Variants in PKHD1 observed in about 807,000 individuals in gnomAD.
The protein encoded by PKHD1 is PKHD1 ciliary IPT domain containing fibrocystin/polyductin.
Under a neutral mutation model 412.0 loss-of-function variants are expected in PKHD1, and 291 were observed. The ratio of observed to expected loss-of-function variants is 0.71; its 90% CI spans 0.64 to 0.78. The LOEUF is 0.78. PKHD1 is among the 30% of genes least tolerant of loss of function. PKHD1 has a pLI of 0.00. For missense variants in PKHD1, 4,825 were observed against 4,950.7 expected, an observed-to-expected ratio of 0.97 and a Z score of 0.76; for synonymous variants, 1,777 against 1,821.5, an observed-to-expected ratio of 0.98 and a Z score of 0.62.
intron 66 of PKHD1, among the ~76,000 whole-genome samples, chr6:51,624,816 T>C (rs1322468051): frequency 2.6e-5 from 4 of 152,248 alleles, no homozygotes. Flanking sequence ...AAATTAGTTC[T>C]CTTACTTGAG....
chr6:51,724,372 C>T (rs913123431), intron 60 of PKHD1, among the ~76,000 whole-genome samples: 69 of 152,172 alleles, frequency 4.5e-4, no homozygotes, highest in Non-Finnish European at 1.2e-4. Flanking sequence ...CCTCATACCA[C>T]TCTTTCCTAT....
intron 34 of PKHD1, 61 bp downstream of exon 34, chr6:52,017,349 T>A: frequency 1.7e-6 from 2 of 1,188,790 alleles, no homozygotes; most frequent in Non-Finnish European, 2.5e-6. Context: ...CTCTGATGGC[T>A]CCATCGGTCC....
At position 51,984,410 on chromosome 6, in the gene PKHD1, G is replaced by T. The variant is rs1795960092; in HGVS notation, c.5752-24384C>A. 2.0e-5 allele frequency among the ~76,000 whole-genome samples: 3 copies of T among 152,200 alleles called. No homozygotes were observed. In the South Asian group the frequency reaches 6.2e-4, roughly 31 times the overall value. Reference sequence around the variant, plus strand: ...TTCTGACTTGTTTAAGAAGTAAAATGAAAAAGAGGGATTGAGTCTGAAAGA... The same window carrying T: ...TTCTGACTTGTTTAAGAAGTAAAATTAAAAAGAGGGATTGAGTCTGAAAGA... On this transcript the variant is annotated intron_variant, in intron 35 of 66. Coordinates refer to ENST00000371117, the MANE Select transcript of PKHD1 (RefSeq NM_138694.4).
chr6:51,963,710 A>C (rs1489894564), intron 35 of PKHD1, among the ~76,000 whole-genome samples: 2 of 151,976 alleles, frequency 1.3e-5, no homozygotes, highest in Non-Finnish European at 2.9e-5. Context: ...AATCCATGTC[A>C]CTTTGATCCA....
chr6:51,847,777 A>G lies in PKHD1; in HGVS notation c.8105T>C (p.Leu2702Pro). Reference protein sequence around the residue: ...FNSQLRQLTYLVSGEGQVQVI... With the variant: ...FNSQLRQLTYPVSGEGQVQVI... Reference sequence around the variant, plus strand: ...CATTCATCCAATTGGATACTTACCCAGATAGGTGAGTTGCCTCAGCTGGCT... The same window carrying G: ...CATTCATCCAATTGGATACTTACCCGGATAGGTGAGTTGCCTCAGCTGGCT... Residue 2702 changes from leucine to proline, a missense_variant and splice_region_variant, in exon 50 of 67, where the codon CTG becomes CCG. Coordinates refer to ENST00000371117, the MANE Select transcript of PKHD1 (RefSeq NM_138694.4). 1 of 1,606,310 alleles carries G rather than the reference A, an allele frequency of 6.2e-7. No homozygotes were observed. The highest frequency in any genetic ancestry group is 8.5e-7 in the Non-Finnish European group (1 of 1,172,924).
chr6:51,757,457 A>G (rs1307663939), intron 55 of PKHD1, among the ~76,000 whole-genome samples: 1 of 152,126 alleles, frequency 6.6e-6, no homozygotes, highest in Non-Finnish European at 1.5e-5. Context: ...CAGATGAATC[A>G]GTTCACTCTC....
chr6:51,804,993 T>C (rs1199728677), intron 52 of PKHD1, among the ~76,000 whole-genome samples: 4 of 152,140 alleles, frequency 2.6e-5, no homozygotes, highest in Admixed American at 2.6e-4. Flanking sequence ...GAACTAAAAA[T>C]AGAACTACCA....
intron 49 of PKHD1, 23 bp from the exon 50 acceptor site, chr6:51,847,993 A>G (rs570961787): frequency 1.3e-6 from 2 of 1,545,214 alleles, no homozygotes; most frequent in Admixed American, 1.7e-5. Context: ...GAAAAACACA[A>G]TAGTGCTCAT....
chr6:51,797,431 T>A (rs1331472373), intron 52 of PKHD1, among the ~76,000 whole-genome samples: 1 of 152,186 alleles, frequency 6.6e-6, no homozygotes, highest in Non-Finnish European at 1.5e-5. Flanking sequence ...TGTGTGGGAA[T>A]CTAAGTCTCT....
At chr6:51,801,652 T>TGAGAGAGAGA (rs1250289397) in intron 52 of PKHD1, among the ~76,000 whole-genome samples, 4 of 143,088 alleles carry the variant, frequency 2.8e-5, no homozygotes, top group African/African-American at 8.1e-5. Flanking sequence ...TGTGTGTGTG[T>TGAGAGAGAGA]GTGAGAGAGA....
intron 34 of PKHD1, among the ~76,000 whole-genome samples, chr6:52,014,774 G>A (rs1342069607): frequency 7.3e-6 from 1 of 137,636 alleles, no homozygotes; most frequent in Non-Finnish European, 1.6e-5. Context: ...GAATATACTG[G>A]ATAGATGGAT....
At chr6:51,900,832 AC>A (rs1196208639) in intron 43 of PKHD1, among the ~76,000 whole-genome samples, 2 of 152,216 alleles carry the variant, frequency 1.3e-5, no homozygotes, top group African/African-American at 2.4e-5. Context: ...CAAGAAAAAA[AC>A]AACCCCATCA....
At chr6:52,083,047 C>T (rs762822651) in intron 3 of PKHD1, 131 bp downstream of exon 3, 6 of 714,878 alleles carry the variant, frequency 8.4e-6, no homozygotes, top group Non-Finnish European at 1.5e-5. Context: ...AGAAGTTGGT[C>T]AGTCTGTTCG....
intron 35 of PKHD1, among the ~76,000 whole-genome samples, chr6:51,967,239 A>G (rs1792949972): frequency 1.3e-5 from 2 of 152,262 alleles, no homozygotes; most frequent in Non-Finnish European, 2.9e-5. Flanking sequence ...ACGGCATGAC[A>G]ATTCATTTAC....
chr6:51,682,773 C>T (rs1776865777), intron 60 of PKHD1, among the ~76,000 whole-genome samples: 1 of 151,908 alleles, frequency 6.6e-6, no homozygotes, highest in South Asian at 2.1e-4. Flanking sequence ...AGCTCTGTGA[C>T]CTGAGGAATA....
chr6:51,662,102 T>C (rs1047091994), intron 60 of PKHD1, among the ~76,000 whole-genome samples: 8 of 151,952 alleles, frequency 5.3e-5, no homozygotes, highest in Non-Finnish European at 8.8e-5. Flanking sequence ...ATAATAATTA[T>C]ACTTTTACTA....
intron 51 of PKHD1, among the ~76,000 whole-genome samples, chr6:51,831,551 TC>T (rs1384869916): frequency 6.6e-6 from 1 of 152,192 alleles, no homozygotes; most frequent in African/African-American, 2.4e-5. Flanking sequence ...CTTTCTATTC[TC>T]TGTTAAATTG....
At position 52,053,229 on chromosome 6, in the gene PKHD1, G is replaced by A; in HGVS notation, c.1987C>T (p.Leu663Phe). The A allele has an allele frequency of 6.2e-7, 1 of 1,614,208 alleles. No homozygotes were observed. Among genetic ancestry groups the A allele is most frequent in the Non-Finnish European group, 8.5e-7 (1 of 1,180,026 alleles). ...PESWQFDCTD[L>F]WETCVRCFGD... is the part of the protein sequence containing the mutation. ...AAGCAACGCACACAAGTCTCCCAGA[G>A]GTCAGTGCAATCGAACTGCCAGCTG... Residue 663 changes from leucine to phenylalanine, a missense_variant, in exon 21 of 67, where the codon CTC becomes TTC. Physicochemically the swap from Leu to Phe is conservative, Grantham distance 22. Transcript: ENST00000371117.
In PKHD1 at chr6:52,070,860, A is replaced by G. The variant is rs192783525; in HGVS notation, c.667+146T>C. On this transcript the variant is annotated intron_variant, in intron 9 of 66. Transcript: ENST00000371117. ...AGTTTCTATATGAGCTGTTTCATAT[A>G]GTAGTATTTTCCAGGGAATTCTTAA... 281 of 686,068 alleles carry G rather than the reference A, an allele frequency of 4.1e-4. 2 individuals carry two copies. The highest frequency in any genetic ancestry group is 2.9e-3 in the Middle Eastern group (9 of 3,096). The allele number at this position is 686,068 out of a possible 1,614,324, so 42.5% of individuals were successfully genotyped here.
Sources: allele counts gnomAD v4.1 joint callset (sites outside exome capture counted in the v4.1 genomes callset), GRCh38; gene constraint gnomAD v4.1.1; transcripts MANE v1.5; gene names NCBI Gene and HGNC (gene_info 2026-07-23, HGNC 2026-07-21).